EPHA6: variants seen among roughly 807,000 people sequenced by gnomAD.
EPHA6 encodes the protein EPH receptor A6.
EPHA6 carries 50 observed loss-of-function variants against 112.0 expected under a neutral mutation model. The observed-to-expected ratio is 0.45, with a 90% confidence interval of 0.36 to 0.56. The LOEUF is 0.56. EPHA6 is among the 20% of genes least tolerant of loss of function. The pLI is 0.00. For missense variants in EPHA6, 1,280 were observed against 1,417.4 expected (o/e 0.90, Z 1.56); for synonymous variants, 529 against 490.7 (o/e 1.08, Z -1.03).
At chr3:97,730,469 C>T (rs1381160937) in intron 15 of EPHA6, among the ~76,000 whole-genome samples, 1 of 152,012 alleles carries the variant, frequency 6.6e-6, no homozygotes, top group African/African-American at 2.4e-5. Context: ...TAATTTTCTT[C>T]TTACATTATA....
chr3:97,149,252 G>T (rs1414435460), intron 3 of EPHA6, among the ~76,000 whole-genome samples: 2 of 152,094 alleles, frequency 1.3e-5, no homozygotes, highest in African/African-American at 4.8e-5. Flanking sequence ...CACATGGCCT[G>T]CCCAAGTCAA....
intron 3 of EPHA6, among the ~76,000 whole-genome samples, chr3:97,178,491 T>C (rs887195753): frequency 1.3e-5 from 2 of 152,148 alleles, no homozygotes; most frequent in Non-Finnish European, 2.9e-5. Context: ...TGTCCTTTTC[T>C]TTCTGATTGC....
chr3:97,478,743 A>G (rs1033851729), intron 8 of EPHA6, among the ~76,000 whole-genome samples: 1 of 152,120 alleles, frequency 6.6e-6, no homozygotes, highest in Non-Finnish European at 1.5e-5. Flanking sequence ...ATTATGTAAC[A>G]CAGACGTACT....
At chr3:96,988,333 G>C (rs2043094666) in intron 3 of EPHA6, among the ~76,000 whole-genome samples, 1 of 152,054 alleles carries the variant, frequency 6.6e-6, no homozygotes, top group Non-Finnish European at 1.5e-5. Context: ...GTATGAAATT[G>C]TGCCAAAGTG....
intron 3 of EPHA6, among the ~76,000 whole-genome samples, chr3:97,212,454 A>C (rs1357235064): frequency 1.3e-5 from 2 of 152,204 alleles, no homozygotes; most frequent in Admixed American, 1.3e-4. Context: ...AATGGTAATA[A>C]AAATTTAGCC....
intron 5 of EPHA6, among the ~76,000 whole-genome samples, chr3:97,360,649 A>G (rs2084325283): frequency 6.6e-6 from 1 of 152,158 alleles, no homozygotes; most frequent in African/African-American, 2.4e-5. Context: ...TAAGATTATG[A>G]CCACATGAAT....
At chr3:97,015,083 T>C (rs912486362) in intron 3 of EPHA6, among the ~76,000 whole-genome samples, 6 of 152,176 alleles carry the variant, frequency 3.9e-5, no homozygotes, top group Non-Finnish European at 7.4e-5. Flanking sequence ...AGAAAATAAT[T>C]ACCAAAATCA....
At chr3:97,699,510 C>T (rs2033240135) in intron 14 of EPHA6, among the ~76,000 whole-genome samples, 1 of 152,108 alleles carries the variant, frequency 6.6e-6, no homozygotes, top group Non-Finnish European at 1.5e-5. Context: ...TTGCTAAAAA[C>T]CTCAGAGCCC....
intron 3 of EPHA6, among the ~76,000 whole-genome samples, chr3:97,040,539 T>A (rs1304042683): frequency 2.0e-5 from 3 of 152,036 alleles, no homozygotes; most frequent in African/African-American, 7.2e-5. Context: ...TATTATGAAT[T>A]CTTCATGCTG....
intron 3 of EPHA6, among the ~76,000 whole-genome samples, chr3:97,194,901 G>T (rs919600107): frequency 1.3e-5 from 2 of 151,844 alleles, no homozygotes; most frequent in African/African-American, 4.8e-5. Context: ...GTTTCCATTG[G>T]CATGGAATAT....
At chr3:96,989,737 G>A (rs374266858) in intron 3 of EPHA6, among the ~76,000 whole-genome samples, 14 of 151,956 alleles carry the variant, frequency 9.2e-5, no homozygotes, top group East Asian at 5.8e-4. Context: ...AGAGTGAAAG[G>A]GGAAAGTGCC....
At chr3:97,443,938 G>A (rs2090230835) in intron 6 of EPHA6, among the ~76,000 whole-genome samples, 1 of 152,116 alleles carries the variant, frequency 6.6e-6, no homozygotes, top group African/African-American at 2.4e-5. Context: ...ATGGGGTGTA[G>A]TGGAAAAAGC....
intron 10 of EPHA6, among the ~76,000 whole-genome samples, chr3:97,510,892 A>C (rs1358644613): frequency 6.6e-6 from 1 of 152,188 alleles, no homozygotes; most frequent in Admixed American, 6.5e-5. Flanking sequence ...CTGCCCAGAG[A>C]AGAGGAATCT....
intron 10 of EPHA6, among the ~76,000 whole-genome samples, chr3:97,492,729 T>C (rs2091880930): frequency 6.6e-6 from 1 of 151,426 alleles, no homozygotes; most frequent in South Asian, 2.1e-4. Context: ...GTTCAAAGAA[T>C]GTAAAGATCA....
intron 14 of EPHA6, among the ~76,000 whole-genome samples, chr3:97,719,176 C>T (rs1559625618): frequency 7.0e-6 from 1 of 143,082 alleles, no homozygotes; most frequent in Non-Finnish European, 1.5e-5. Flanking sequence ...AACTTAAATT[C>T]CTTAAGGGCC....
chr3:97,296,584 C>T (rs1217830732), intron 5 of EPHA6, among the ~76,000 whole-genome samples: 1 of 152,154 alleles, frequency 6.6e-6, no homozygotes. Flanking sequence ...AAGCAGTTGG[C>T]TCTCAGGCTC....
At chr3:97,574,382 C>T (rs1034506519) in intron 11 of EPHA6, among the ~76,000 whole-genome samples, 1 of 152,054 alleles carries the variant, frequency 6.6e-6, no homozygotes, top group African/African-American at 2.4e-5. Flanking sequence ...AACACTTAAG[C>T]AGAGTCTTGA....
chr3:97,406,441 A>G (rs1199999099), intron 6 of EPHA6, among the ~76,000 whole-genome samples: 3 of 152,140 alleles, frequency 2.0e-5, no homozygotes, highest in Non-Finnish European at 4.4e-5. Flanking sequence ...TACTTCTGCA[A>G]TATGAAACCC....
chr3:97,447,739 A>G, intron 6 of EPHA6: 1 of 1,012,604 alleles, frequency 9.9e-7, no homozygotes, highest in East Asian at 6.9e-5. Flanking sequence ...TGCCCTGGCA[A>G]GTTCACTTCC....
Sources: allele counts gnomAD v4.1 joint callset (sites outside exome capture counted in the v4.1 genomes callset), GRCh38; gene constraint gnomAD v4.1.1; transcripts MANE v1.5; gene names NCBI Gene and HGNC (gene_info 2026-07-23, HGNC 2026-07-21).